SLCO4A1: variants seen among roughly 807,000 people sequenced by gnomAD.
The protein encoded by SLCO4A1 is colon organic anion transporter.
A neutral mutation model predicts 64.6 loss-of-function variants in SLCO4A1; 51 were observed. The observed-to-expected ratio is 0.79, with a 90% CI of 0.63 to 1.00. SLCO4A1 has a LOEUF of 1.00. Ranked by LOEUF, SLCO4A1 falls within the 50% of genes least tolerant of loss-of-function variation. The pLI is 0.00. For synonymous variants in SLCO4A1, 471 were observed against 444.9 expected (o/e 1.06, Z -0.74); for missense variants, 919 against 980.5 (o/e 0.94, Z 0.84).
chr20:62,686,088 C>T (rs113617698), downstream of SLCO4A1, among the ~76,000 whole-genome samples: 1,453 of 152,262 alleles, frequency 9.5e-3, 13 homozygotes, highest in Non-Finnish European at 0.014. Flanking sequence ...TCCTGTTTAT[C>T]GCGGCCACTT....
chr20:62,658,527 A>G (rs879448322), intron 2 of SLCO4A1, 150 bp from the exon 3 acceptor site: 7 of 627,424 alleles, frequency 1.1e-5, no homozygotes, highest in Non-Finnish European at 2.0e-5. Context: ...AACTGCACAG[A>G]CTCATCTAAC....
chr20:62,661,310 G>A lies in SLCO4A1; in HGVS notation c.1121+135G>A. 1 of 653,474 alleles carries A rather than the reference G, an allele frequency of 1.5e-6. No individual in the cohort carries two copies. Among genetic ancestry groups the A allele is most frequent in the Non-Finnish European group, 2.7e-6 (1 of 366,942 alleles). 40.5% of individuals were successfully genotyped at this position (653,474 alleles called of 1,614,324 possible). On this transcript the variant is annotated intron_variant, in intron 5 of 11. Transcript: ENST00000217159. The surrounding 1 kb of genome is among the most constrained non-coding windows in gnomAD (Gnocchi z 5.2). ...AACCTCTGTCGTGACCCTGGGCCAA[G>A]AGATTAAGGAGCAACAGATAGAGCC... is the stretch of plus-strand genomic sequence containing the variant.
At chr20:62,664,056 G>C (rs1428636645) in intron 5 of SLCO4A1, among the ~76,000 whole-genome samples, 1 of 152,096 alleles carries the variant, frequency 6.6e-6, no homozygotes, top group Non-Finnish European at 1.5e-5. Context: ...CACCTCCTGG[G>C]TTAGAAACTG....
rs6090189 is a variant in SLCO4A1 at position 62,667,989 on chromosome 20, G to A, written c.1639-23G>A. The A allele has an allele frequency of 6.2e-6, 10 of 1,614,004 alleles. 1 individual carries two copies. Among genetic ancestry groups the A allele is most frequent in the South Asian group, 3.3e-5 (3 of 91,070 alleles). On this transcript the variant is annotated intron_variant, in intron 8 of 11. Coordinates refer to ENST00000217159, the MANE Select transcript of SLCO4A1 (RefSeq NM_016354.4). ...GCCCCCGTGCCTTCCCCTTGTAATC[G>A]GAGCTATTGTTGGGCTTCCCAGGTG...
intron 9 of SLCO4A1, 111 bp from the exon 10 acceptor site, chr20:62,668,366 G>GT (rs926656816): frequency 1.8e-4 from 232 of 1,308,022 alleles, no homozygotes; most frequent in Non-Finnish European, 2.5e-4. Flanking sequence ...TCCCACTTGG[G>GT]GGGGGGTGAT....
intron 1 of SLCO4A1, among the ~76,000 whole-genome samples, chr20:62,651,097 C>T (rs1483778385): frequency 1.3e-5 from 2 of 152,212 alleles, no homozygotes; most frequent in South Asian, 2.1e-4. Context: ...CAGCGTCACT[C>T]CACAACCCAT....
intron 1 of SLCO4A1, among the ~76,000 whole-genome samples, chr20:62,655,092 G>A (rs1468989702): frequency 6.6e-6 from 1 of 152,252 alleles, no homozygotes; most frequent in Non-Finnish European, 1.5e-5. Context: ...AGGTATTGGG[G>A]TCAAGGCTCC....
rs780941369 is a variant in SLCO4A1 at position 62,671,957 on chromosome 20, G to A, written c.*64G>A. On this transcript the variant is annotated 3_prime_UTR_variant, in exon 12 of 12. Coordinates refer to ENST00000217159, the MANE Select transcript of SLCO4A1 (RefSeq NM_016354.4). ...CATTTCCTGATGACAGAACAGTGCC[G>A]TTGGGTGATGCAATCACACGGGAAC... is the stretch of plus-strand genomic sequence containing the variant. The A allele has an allele frequency of 3.6e-4, 576 of 1,600,536 alleles. No individual in the cohort carries two copies. The highest frequency in any genetic ancestry group is 4.9e-4 in the Middle Eastern group (3 of 6,084).
At chr20:62,673,064 A>G (rs1987395644), downstream of SLCO4A1, among the ~76,000 whole-genome samples, 2 of 143,358 alleles carry the variant, frequency 1.4e-5, 1 homozygote, top group Non-Finnish European at 3.2e-5. Flanking sequence ...TTGATTTGCT[A>G]AGTAAGGAGA....
At chr20:62,653,216 T>C (rs1357997926) in intron 1 of SLCO4A1, among the ~76,000 whole-genome samples, 1 of 152,204 alleles carries the variant, frequency 6.6e-6, no homozygotes, top group Non-Finnish European at 1.5e-5. Flanking sequence ...AGAGGAGCCC[T>C]GTGGGGACCG....
intron 1 of SLCO4A1, among the ~76,000 whole-genome samples, chr20:62,650,975 T>C (rs1017053397): frequency 6.6e-6 from 1 of 152,160 alleles, no homozygotes; most frequent in Non-Finnish European, 1.5e-5. Context: ...TAAATGCCAG[T>C]GCTTAGGACG....
At chr20:62,665,247 G>C in intron 6 of SLCO4A1, 159 bp downstream of exon 6, 1 of 723,838 alleles carries the variant, frequency 1.4e-6, no homozygotes, top group Non-Finnish European at 2.2e-6. Flanking sequence ...CACGGGGGCT[G>C]AGCGACTCTG....
rs1984813651 is a variant in SLCO4A1, at chr20:62,661,383, G to A, written c.1121+208G>A. Among the ~76,000 whole-genome samples, 1 of 152,126 alleles carries A rather than the reference G, an allele frequency of 6.6e-6. No homozygotes were observed. The highest frequency in any genetic ancestry group is 2.1e-4 in the South Asian group (1 of 4,826). ...CCGCCTCAGGGCTGCAGAGCCGTGGGAGAGTCCCAGAGTGGGGCCGGGGCC... is the reference window on the plus strand; with the variant it reads ...CCGCCTCAGGGCTGCAGAGCCGTGGAAGAGTCCCAGAGTGGGGCCGGGGCC... On this transcript the variant is annotated intron_variant, in intron 5 of 11. Coordinates refer to ENST00000217159, the MANE Select transcript of SLCO4A1 (RefSeq NM_016354.4). The surrounding 1 kb of genome is among the most constrained non-coding windows in gnomAD (Gnocchi z 5.2).
At chr20:62,666,150 T>TTCCCCTTCCCCTTCCCCC (rs1986287942) in intron 6 of SLCO4A1, 1 of 109,082 alleles carries the variant, frequency 9.2e-6, no homozygotes, top group African/African-American at 3.6e-5. Context: ...CCCCTTCCCC[T>TTCCCCTTCCCCTTCCCCC]TCCCCTCTGA....
intron 5 of SLCO4A1, among the ~76,000 whole-genome samples, chr20:62,663,996 C>A (rs997794202): frequency 6.6e-6 from 1 of 152,198 alleles, no homozygotes; most frequent in Non-Finnish European, 1.5e-5. Context: ...CCATTCACCC[C>A]CCAGGGCCTC....
downstream of SLCO4A1, among the ~76,000 whole-genome samples, chr20:62,675,079 A>G (rs759086499): frequency 6.6e-6 from 1 of 152,178 alleles, no homozygotes; most frequent in Non-Finnish European, 1.5e-5. Context: ...AGGAAGGAAG[A>G]GAAACGCCCC....
intron 1 of SLCO4A1, chr20:62,650,714 G>A (rs7270333): frequency 3.3e-5 from 5 of 152,190 alleles, no homozygotes. Flanking sequence ...TGGGGGCGCT[G>A]GCTGCCTCCA....
chr20:62,687,884 G>C (rs570359995), downstream of SLCO4A1, among the ~76,000 whole-genome samples: 2 of 152,112 alleles, frequency 1.3e-5, no homozygotes, highest in Non-Finnish European at 2.9e-5. Context: ...GGGAGTGCAG[G>C]AAAAGGTACC....
chr20:62,656,320 G>A (rs35552404), intron 1 of SLCO4A1, 39 bp from the exon 2 acceptor site: 1 of 728,340 alleles, frequency 1.4e-6, no homozygotes, highest in Non-Finnish European at 2.2e-6. Context: ...TGTACCCGTG[G>A]AGAGACGTGA....
Sources: gnomAD v4.1 joint callset for allele counts (sites outside exome capture counted in the v4.1 genomes callset) on GRCh38, gnomAD v4.1.1 for gene constraint, Gnocchi (gnomAD v3.1) non-coding constraint, MANE v1.5 for transcripts, NCBI Gene and HGNC (gene_info 2026-07-23, HGNC 2026-07-21) for gene names.